TEAD1: variants seen among roughly 807,000 people sequenced by gnomAD.
TEAD1 encodes the protein transcriptional enhancer factor TEF-1.
In TEAD1, 9 loss-of-function variants were observed where a neutral mutation model predicts 54.9. That is an observed-to-expected ratio of 0.16 (90% CI 0.10 to 0.29). The LOEUF is 0.29. Ranked by LOEUF, TEAD1 falls within the 10% of genes least tolerant of loss-of-function variation. The probability of loss-of-function intolerance (pLI) is 1.00; values close to 1 mark genes in which losing one functional copy is unlikely to be tolerated. For synonymous variants in TEAD1, 200 were observed against 187.8 expected (o/e 1.07, Z -0.53); for missense variants, 387 against 535.9 (o/e 0.72, Z 2.74).
intron 3 of TEAD1, among the ~76,000 whole-genome samples, chr11:12,824,677 T>C (rs1276249222): frequency 6.6e-6 from 1 of 152,104 alleles, no homozygotes; most frequent in Non-Finnish European, 1.5e-5. Context: ...CCTAGCTGGG[T>C]GATGGGGGTG....
intron 9 of TEAD1, among the ~76,000 whole-genome samples, chr11:12,898,887 G>A (rs1235475870): frequency 6.6e-6 from 1 of 152,172 alleles, no homozygotes; most frequent in Admixed American, 6.5e-5. Context: ...CTTTTCAGCT[G>A]TACCTTCATG....
At chr11:12,712,889 A>G (rs562226493) in intron 2 of TEAD1, among the ~76,000 whole-genome samples, 2 of 152,306 alleles carry the variant, frequency 1.3e-5, no homozygotes, top group East Asian at 3.9e-4. Flanking sequence ...CTGAATTGAT[A>G]AAGAAGAGGC....
At chr11:12,716,392 C>G (rs972048477) in intron 2 of TEAD1, among the ~76,000 whole-genome samples, 3 of 152,206 alleles carry the variant, frequency 2.0e-5, no homozygotes, top group Non-Finnish European at 2.9e-5. Context: ...TCCCTCCCCC[C>G]TCCATTGAGG....
intron 3 of TEAD1, among the ~76,000 whole-genome samples, chr11:12,856,625 T>C (rs1287126127): frequency 2.0e-5 from 3 of 152,204 alleles, no homozygotes; most frequent in South Asian, 2.1e-4. Context: ...AAGACCCTTG[T>C]TTGATGTAGC....
At chr11:12,688,246 T>G (rs551599048) in intron 2 of TEAD1, among the ~76,000 whole-genome samples, 1 of 149,978 alleles carries the variant, frequency 6.7e-6, no homozygotes, top group Non-Finnish European at 1.5e-5. Context: ...GAGTTAACTG[T>G]GCTTGCCCAG....
rs75438453 is a variant in TEAD1 at position 12,754,503 on chromosome 11, T to C, written c.-54-9676T>C. On this transcript the variant is annotated intron_variant, in intron 2 of 12. Transcript: ENST00000527636. ...CTGATTTCTGATAGTCTAGAGACTA[T>C]CAGACTTCTGCCTGTTACAAACAAT... Among the ~76,000 whole-genome samples the C allele has an allele frequency of 7.8e-3, 1,195 of 152,280 alleles. 21 individuals carry two copies. Among genetic ancestry groups the C allele is most frequent in the African/African-American group, 0.027 (1,142 of 41,548 alleles).
chr11:12,894,476 G>GT (rs947984407), intron 9 of TEAD1, among the ~76,000 whole-genome samples: 2 of 152,150 alleles, frequency 1.3e-5, no homozygotes, highest in African/African-American at 4.8e-5. Flanking sequence ...AAGTTGTACT[G>GT]TTGTGGTTTG....
intron 3 of TEAD1, among the ~76,000 whole-genome samples, chr11:12,847,374 A>G (rs931421765): frequency 6.6e-6 from 1 of 152,074 alleles, no homozygotes; most frequent in East Asian, 1.9e-4. Flanking sequence ...AGCAGTGTGC[A>G]CAAAGTATGG....
intron 11 of TEAD1, among the ~76,000 whole-genome samples, chr11:12,928,767 A>C (rs1051692633): frequency 6.6e-6 from 1 of 152,218 alleles, no homozygotes; most frequent in Non-Finnish European, 1.5e-5. Context: ...AATTTTATAC[A>C]TTTATGGTGT....
At position 12,883,054 on chromosome 11, in the gene TEAD1, T is replaced by A; in HGVS notation, c.628T>A (p.Ser210Thr). ...CTCAGTCCCTGCCTGGCAAGGTCGC[T>A]CCATTGGCACAACCAAGCTTCGCCT... Residue 210 changes from serine (S) to threonine (T), a missense_variant, in exon 9 of 13, where the codon TCC becomes ACC. Ser to Thr is a moderately conservative substitution (Grantham distance 58). Coordinates refer to ENST00000527636, the MANE Select transcript of TEAD1 (RefSeq NM_021961.6). 3.1e-6 allele frequency: 5 copies of A among 1,614,148 alleles called. No homozygotes were observed. Among genetic ancestry groups the A allele is most frequent in the Non-Finnish European group, 4.2e-6 (5 of 1,180,032 alleles).
intron 3 of TEAD1, among the ~76,000 whole-genome samples, chr11:12,789,337 A>T (rs1031241556): frequency 6.6e-6 from 1 of 152,178 alleles, no homozygotes; most frequent in African/African-American, 2.4e-5. Flanking sequence ...TGTCATTCTT[A>T]TTGGCATTGC....
At chr11:12,768,490 G>C (rs866798038) in intron 3 of TEAD1, among the ~76,000 whole-genome samples, 1 of 152,218 alleles carries the variant, frequency 6.6e-6, no homozygotes, top group African/African-American at 2.4e-5. Context: ...TTTGAAGCTG[G>C]TATTATCATC....
chr11:12,702,170 C>T lies in TEAD1; in HGVS notation c.-55+26609C>T, dbSNP rs370360977. Among the ~76,000 whole-genome samples, 33 of 152,262 alleles carry T rather than the reference C, an allele frequency of 2.2e-4. No homozygotes were observed. In the East Asian group the frequency reaches 3.3e-3, roughly 15 times the overall value. Reference sequence around the variant, plus strand: ...AGTTTCCCTCTCAGCACTCAGGGGCCGCCCCTTGAACCAGATCCTCTCTGC... The same window carrying T: ...AGTTTCCCTCTCAGCACTCAGGGGCTGCCCCTTGAACCAGATCCTCTCTGC... On this transcript the variant is annotated intron_variant, in intron 2 of 12. Transcript: ENST00000527636.
chr11:12,718,367 GCATGACAAGATAAT>G (rs1944108953), intron 2 of TEAD1, among the ~76,000 whole-genome samples: 1 of 152,158 alleles, frequency 6.6e-6, no homozygotes, highest in Non-Finnish European at 1.5e-5. Flanking sequence ...TGTCTTGGGG[GCATGACAAGATAAT>G]GAAAGTCAAA....
At chr11:12,890,573 C>T (rs1948178964) in intron 9 of TEAD1, among the ~76,000 whole-genome samples, 1 of 152,148 alleles carries the variant, frequency 6.6e-6, no homozygotes, top group African/African-American at 2.4e-5. Flanking sequence ...AGGATCGCTG[C>T]CATGCTTACT....
At chr11:12,734,438 G>A (rs147462021) in intron 2 of TEAD1, among the ~76,000 whole-genome samples, 1 of 152,196 alleles carries the variant, frequency 6.6e-6, no homozygotes. Context: ...AATAAATTTA[G>A]TGTGGCATAA....
At chr11:12,884,259 G>A (rs1417197204) in intron 9 of TEAD1, among the ~76,000 whole-genome samples, 1 of 152,054 alleles carries the variant, frequency 6.6e-6, no homozygotes, top group Non-Finnish European at 1.5e-5. Context: ...TTGGCTGTGA[G>A]TATGAGCGTT....
intron 3 of TEAD1, among the ~76,000 whole-genome samples, chr11:12,805,053 A>G (rs1590168566): frequency 6.6e-6 from 1 of 152,234 alleles, no homozygotes; most frequent in East Asian, 1.9e-4. Flanking sequence ...TATTCTTCAC[A>G]GTCCTGCAAA....
rs183764540 is a variant in TEAD1, at chr11:12,703,982, C to T, written c.-55+28421C>T. ...CTAAATTCCCTAGAAGCAGAATGGC[C>T]CTGGATGTGCTTTTAAAAAACAGCA... On this transcript the variant is annotated intron_variant, in intron 2 of 12. Transcript: ENST00000527636. Among the ~76,000 whole-genome samples the T allele has an allele frequency of 5.7e-4, 87 of 152,156 alleles. 1 individual carries two copies. Among genetic ancestry groups the T allele is most frequent in the African/African-American group, 1.9e-3 (80 of 41,502 alleles).
Sources: allele counts gnomAD v4.1 joint callset (sites outside exome capture counted in the v4.1 genomes callset), GRCh38; gene constraint gnomAD v4.1.1; transcripts MANE v1.5; gene names NCBI Gene and HGNC (gene_info 2026-07-23, HGNC 2026-07-21).